FHIT: variants seen among roughly 807,000 people sequenced by gnomAD.
FHIT encodes the protein fragile histidine triad diadenosine triphosphatase.
In FHIT, 19 loss-of-function variants were observed where a neutral mutation model predicts 17.9. The observed-to-expected ratio is 1.06, with a 90% confidence interval of 0.74 to 1.56. FHIT has a LOEUF of 1.56. Ranked by LOEUF, FHIT falls within the 40% of genes most tolerant of loss-of-function variation. The pLI, the probability that FHIT is intolerant of heterozygous loss-of-function variation, is 0.00. For synonymous variants in FHIT, 81 were observed against 69.7 expected (o/e 1.16, Z -0.81); for missense variants, 248 against 189.2 (o/e 1.31, Z -1.82).
intron 5 of FHIT, among the ~76,000 whole-genome samples, chr3:60,052,773 T>C (rs531794538): frequency 3.6e-4 from 53 of 148,244 alleles, no homozygotes; most frequent in Middle Eastern, 3.6e-3. Flanking sequence ...TATAAATATA[T>C]ATTATATATA....
At chr3:60,670,911 G>C (rs1039204642) in intron 4 of FHIT, among the ~76,000 whole-genome samples, 1 of 152,188 alleles carries the variant, frequency 6.6e-6, no homozygotes, top group Non-Finnish European at 1.5e-5. Flanking sequence ...CTAAGAGCCA[G>C]GTAGAACTGT....
At chr3:60,928,604 A>AT (rs1168293584) in intron 3 of FHIT, among the ~76,000 whole-genome samples, 6 of 151,804 alleles carry the variant, frequency 4.0e-5, no homozygotes, top group East Asian at 1.9e-4. Context: ...AAAAAAAAAA[A>AT]AGAAAATCTA....
intron 1 of FHIT, among the ~76,000 whole-genome samples, chr3:61,202,282 T>C (rs2039045093): frequency 6.7e-6 from 1 of 149,922 alleles, no homozygotes; most frequent in African/African-American, 2.5e-5. Context: ...GGGGCCCCTC[T>C]GCCTGGCCGC....
rs1553751267 is a variant in FHIT, at chr3:60,860,299, CATCATATGTATACATGAG to C, written c.-110-38306_-110-38289del. ...ATACATCATATGTATACATGAGATA[CATCATATGTATACATGAG>C]ATACATCATATGTATACATGAGATA... On this transcript the variant is annotated intron_variant, in intron 3 of 9. Transcript: ENST00000492590. 2.8e-4 allele frequency among the ~76,000 whole-genome samples: 41 copies of C among 147,476 alleles called. 1 individual carries two copies. Among genetic ancestry groups the C allele is most frequent in the Admixed American group, 9.5e-4 (14 of 14,810 alleles).
At chr3:60,877,421 G>A (rs1704717963) in intron 3 of FHIT, among the ~76,000 whole-genome samples, 1 of 152,146 alleles carries the variant, frequency 6.6e-6, no homozygotes, top group Admixed American at 6.5e-5. Context: ...TAGAGATGAA[G>A]CAATACATTC....
In FHIT at chr3:60,070,463, G is replaced by A. The variant is rs183949757; in HGVS notation, c.104-56311C>T. Among the ~76,000 whole-genome samples the A allele has an allele frequency of 4.7e-4, 72 of 152,328 alleles. 1 individual carries two copies. Among genetic ancestry groups the A allele is most frequent in the Non-Finnish European group, 7.8e-4 (53 of 68,030 alleles). ...AAATGAACCAATCATGCATCATGACGATGATACAGCTTTCATTAATAAGAC... is the reference window on the plus strand; with the variant it reads ...AAATGAACCAATCATGCATCATGACAATGATACAGCTTTCATTAATAAGAC... On this transcript the variant is annotated intron_variant, in intron 5 of 9. Coordinates refer to ENST00000492590, the MANE Select transcript of FHIT (RefSeq NM_002012.4).
intron 5 of FHIT, among the ~76,000 whole-genome samples, chr3:60,381,779 T>C (rs537043588): frequency 1.6e-3 from 235 of 150,114 alleles, no homozygotes; most frequent in Non-Finnish European, 2.9e-3. Flanking sequence ...TCTACATGGA[T>C]AGACTAGAGG....
intron 5 of FHIT, among the ~76,000 whole-genome samples, chr3:60,479,039 T>C (rs2107469046): frequency 6.6e-6 from 1 of 152,304 alleles, no homozygotes; most frequent in Non-Finnish European, 1.5e-5. Flanking sequence ...AGAACATTCA[T>C]GATGAAACTG....
chr3:61,209,907 G>A (rs577559613), intron 1 of FHIT, among the ~76,000 whole-genome samples: 1 of 152,178 alleles, frequency 6.6e-6, no homozygotes, highest in East Asian at 1.9e-4. Flanking sequence ...AGAGTTTCCA[G>A]TTTTTCTGCT....
chr3:60,118,159 T>C (rs1327294119), intron 5 of FHIT, among the ~76,000 whole-genome samples: 4 of 152,144 alleles, frequency 2.6e-5, no homozygotes. Flanking sequence ...CAGGCTGGAG[T>C]GCAGTAGTGC....
At chr3:60,532,728 G>C (rs757533556) in intron 5 of FHIT, among the ~76,000 whole-genome samples, 1 of 152,244 alleles carries the variant, frequency 6.6e-6, no homozygotes, top group African/African-American at 2.4e-5. Flanking sequence ...AGGGACTGAA[G>C]TGGCTGTTTT....
intron 3 of FHIT, among the ~76,000 whole-genome samples, chr3:60,945,491 C>T (rs1282630488): frequency 2.6e-5 from 4 of 152,106 alleles, no homozygotes; most frequent in Admixed American, 6.5e-5. Context: ...CTCCTGGGTT[C>T]GAGTGATTCT....
At chr3:60,224,580 G>A (rs1199411059) in intron 5 of FHIT, among the ~76,000 whole-genome samples, 1 of 152,048 alleles carries the variant, frequency 6.6e-6, no homozygotes, top group Non-Finnish European at 1.5e-5. Flanking sequence ...GGAGCTGCCT[G>A]ACGTACTGAT....
intron 8 of FHIT, among the ~76,000 whole-genome samples, chr3:59,756,807 G>A (rs1340083112): frequency 6.6e-6 from 1 of 152,038 alleles, no homozygotes; most frequent in Non-Finnish European, 1.5e-5. Context: ...ATTATTGCAT[G>A]GTCTTATTGC....
chr3:60,598,599 A>C (rs781916601), intron 4 of FHIT, among the ~76,000 whole-genome samples: 1 of 152,344 alleles, frequency 6.6e-6, no homozygotes, highest in Admixed American at 6.5e-5. Flanking sequence ...ATAATGATAT[A>C]TCACACTGCT....
intron 4 of FHIT, among the ~76,000 whole-genome samples, chr3:60,548,886 T>G (rs2036456375): frequency 1.3e-5 from 2 of 152,206 alleles, no homozygotes; most frequent in South Asian, 4.1e-4. Flanking sequence ...TCTGCAACAA[T>G]GTAGCTAACC....
At chr3:60,382,774 A>T (rs1364863446) in intron 5 of FHIT, among the ~76,000 whole-genome samples, 1 of 152,186 alleles carries the variant, frequency 6.6e-6, no homozygotes, top group Non-Finnish European at 1.5e-5. Flanking sequence ...TGTATACAAC[A>T]TATCAAATGC....
At chr3:60,417,205 C>G (rs1702283550) in intron 5 of FHIT, among the ~76,000 whole-genome samples, 1 of 151,994 alleles carries the variant, frequency 6.6e-6, no homozygotes, top group African/African-American at 2.4e-5. Flanking sequence ...TATGCTAATA[C>G]TATGTTAGCA....
At chr3:60,188,227 T>TTA (rs56334254) in intron 5 of FHIT, among the ~76,000 whole-genome samples, 1 of 148,828 alleles carries the variant, frequency 6.7e-6, no homozygotes, top group Admixed American at 6.7e-5. Context: ...TTTTTTTTTT[T>TTA]ACCATTATTA....
Sources: gnomAD v4.1 joint callset for allele counts (sites outside exome capture counted in the v4.1 genomes callset) on GRCh38, gnomAD v4.1.1 for gene constraint, MANE v1.5 for transcripts, NCBI Gene and HGNC (gene_info 2026-07-23, HGNC 2026-07-21) for gene names.